Variants in PUM1 observed in about 807,000 individuals in gnomAD.
The protein encoded by PUM1 is pumilio homolog 1.
Under a neutral mutation model 131.8 loss-of-function variants are expected in PUM1, and 13 were observed. That is an observed-to-expected ratio of 0.10 (90% confidence interval 0.06 to 0.16). The LOEUF is 0.16. PUM1 is among the 10% of genes least tolerant of loss of function. The pLI is 1.00. For missense variants in PUM1, 961 were observed against 1,512.4 expected (o/e 0.64, Z 6.05); for synonymous variants, 509 against 556.5 (o/e 0.91, Z 1.20).
intron 14 of PUM1, among the ~76,000 whole-genome samples, chr1:30,954,900 A>AGAAAAAT (rs1640086214): frequency 6.6e-6 from 1 of 151,994 alleles, no homozygotes; most frequent in Non-Finnish European, 1.5e-5. Context: ...CCATCTCTAA[A>AGAAAAAT]AAAAAATAAA....
At chr1:31,060,612 C>T (rs943947647) in intron 1 of PUM1, among the ~76,000 whole-genome samples, 1 of 152,010 alleles carries the variant, frequency 6.6e-6, no homozygotes, top group South Asian at 2.1e-4. Flanking sequence ...ATTGGCCAGG[C>T]GAGGTGGCTC....
chr1:30,936,404 G>A (rs998274195), intron 21 of PUM1, among the ~76,000 whole-genome samples: 1 of 152,224 alleles, frequency 6.6e-6, no homozygotes, highest in Admixed American at 6.5e-5. Context: ...ATCAGGGATG[G>A]AAATATTTCA....
In PUM1 at chr1:30,953,791, G is replaced by A. The variant is rs137923174; in HGVS notation, c.2514C>T (p.Asn838=). Residue 838 remains asparagine, a synonymous_variant, in exon 15 of 22, where the codon AAC becomes AAT. Coordinates refer to ENST00000426105, the MANE Select transcript of PUM1 (RefSeq NM_001020658.2). ...GCAGTTGTAAATTGGGGTACCGGTTGTTTCGAAAATCTTCCAAAAGCCTGC... is the reference window on the plus strand; with the variant it reads ...GCAGTTGTAAATTGGGGTACCGGTTATTTCGAAAATCTTCCAAAAGCCTGC... ...GRSRLLEDFR[N]NRYPNLQLRE... 211 of 1,614,214 alleles carry A rather than the reference G, an allele frequency of 1.3e-4. No individual in the cohort carries two copies. Among genetic ancestry groups the A allele is most frequent in the Non-Finnish European group, 1.7e-4 (203 of 1,180,034 alleles).
intron 21 of PUM1, among the ~76,000 whole-genome samples, chr1:30,935,224 T>C (rs1639151371): frequency 6.6e-6 from 1 of 152,200 alleles, no homozygotes; most frequent in South Asian, 2.1e-4. Context: ...TGAACTTGTT[T>C]TACTTCTTCA....
rs748978879 is a variant in PUM1, at chr1:30,980,132, T to C, written c.1284A>G (p.Pro428=). ...GLAPAAFVPN[P]YIISAAPPGT... ...CTGGGGGAGCAGCGCTGATGATGTA[T>C]GGATTGGGGACAAACGCAGCGGGAG... is the stretch of plus-strand genomic sequence containing the variant. The change falls in exon 9 of 22, where the codon CCA becomes CCG. Residue 428 remains proline (P), a synonymous_variant. Coordinates refer to ENST00000426105, the MANE Select transcript of PUM1 (RefSeq NM_001020658.2). 10 of 1,614,074 alleles carry C rather than the reference T, an allele frequency of 6.2e-6. No individual in the cohort carries two copies. In the Admixed American group the frequency reaches 1.7e-4, roughly 27 times the overall value.
chr1:30,986,026 C>A (rs1641543955), intron 7 of PUM1, among the ~76,000 whole-genome samples: 1 of 152,070 alleles, frequency 6.6e-6, no homozygotes, highest in East Asian at 1.9e-4. Context: ...GCGATCTTGG[C>A]TCACTGCAAC....
At chr1:30,977,159 T>C (rs1641169012) in intron 9 of PUM1, among the ~76,000 whole-genome samples, 1 of 152,238 alleles carries the variant, frequency 6.6e-6, no homozygotes, top group Non-Finnish European at 1.5e-5. Flanking sequence ...GTAATTTTAC[T>C]TTTCCTTTGG....
chr1:31,038,984 A>ATATATTTTTTTTTTTTTTTTTT, intron 2 of PUM1, among the ~76,000 whole-genome samples: 4 of 49,418 alleles, frequency 8.1e-5, no homozygotes, highest in East Asian at 6.7e-4. Flanking sequence ...ATATATATAT[A>ATATATTTTTTTTTTTTTTTTTT]TTTTTTTTTT....
rs910390092 is a variant in PUM1, at chr1:30,931,612, T to C, written c.*1599A>G. On this transcript the variant is annotated 3_prime_UTR_variant, in exon 22 of 22. Coordinates refer to ENST00000426105, the MANE Select transcript of PUM1 (RefSeq NM_001020658.2). ...TTGCCCAGGCATAAGCATACACAGG[T>C]TTGTTAATTATACACATATGGTTAC... 7 of 152,546 alleles carry C rather than the reference T, an allele frequency of 4.6e-5. No homozygotes were observed. Among genetic ancestry groups the C allele is most frequent in the African/African-American group, 9.7e-5 (4 of 41,424 alleles). 9.4% of individuals were successfully genotyped at this position (152,546 alleles called of 1,614,324 possible). A position where few individuals can be genotyped will look rare whatever the true frequency, so the allele number is the denominator to read the frequency against.
At chr1:30,976,431 C>G (rs1008257256) in intron 9 of PUM1, among the ~76,000 whole-genome samples, 3 of 152,226 alleles carry the variant, frequency 2.0e-5, no homozygotes, top group African/African-American at 7.2e-5. Flanking sequence ...CTTACACTGA[C>G]TGAAGTTCTG....
chr1:31,000,124 A>G (rs1642153113), intron 5 of PUM1, among the ~76,000 whole-genome samples: 1 of 152,248 alleles, frequency 6.6e-6, no homozygotes. Flanking sequence ...TAGCTCGGGT[A>G]AGTATCCACA....
At position 31,059,400 on chromosome 1, in the gene PUM1, A is replaced by G; in HGVS notation, c.167T>C (p.Leu56Pro). Residue 56 changes from leucine (L) to proline (P), a missense_variant, in exon 2 of 22, where the codon CTT becomes CCT. By Grantham distance (98) the Leu-to-Pro change is moderately conservative. Transcript: ENST00000426105. The stretch of plus-strand genomic sequence containing the variant: ...AGGGCTGGAGTGAGTCCCAGCTGCA[A>G]GAGCCTGATTTGCAGCTGGTTGTGG... ...AQPQPAANQA[L>P]AAGTHSSPVP... The G allele has an allele frequency of 1.2e-6, 2 of 1,614,184 alleles. No homozygotes were observed. Among genetic ancestry groups the G allele is most frequent in the Non-Finnish European group, 1.7e-6 (2 of 1,180,032 alleles).
intron 2 of PUM1, among the ~76,000 whole-genome samples, chr1:31,054,093 CAAAAAAAAAAAAAAAAAA>C (rs368330168): frequency 9.5e-4 from 52 of 54,884 alleles, no homozygotes; most frequent in African/African-American, 3.3e-3. Flanking sequence ...GACTTTATTT[CAAAAAAAAAAAAAAAAAA>C]AAAAAAAAAG....
chr1:30,997,484 G>A (rs1173178714), intron 5 of PUM1, among the ~76,000 whole-genome samples: 1 of 147,232 alleles, frequency 6.8e-6, no homozygotes, highest in Non-Finnish European at 1.5e-5. Context: ...GGCAACAAGA[G>A]TGAAACTCGT....
At chr1:31,000,958 G>A (rs1050653161) in intron 5 of PUM1, among the ~76,000 whole-genome samples, 3 of 151,984 alleles carry the variant, frequency 2.0e-5, no homozygotes, top group Admixed American at 6.6e-5. Context: ...AGGCTGAGGC[G>A]GGCGGATCAC....
At chr1:30,974,381 T>C (rs1408501805) in intron 10 of PUM1, among the ~76,000 whole-genome samples, 1 of 152,198 alleles carries the variant, frequency 6.6e-6, no homozygotes, top group Non-Finnish European at 1.5e-5. Flanking sequence ...ACTGTAACTT[T>C]GAAGATCCAC....
chr1:31,056,609 CTTTTTTTTTTTT>C lies in PUM1; in HGVS notation c.363+2583_363+2594del, dbSNP rs57685772. Reference sequence around the variant, plus strand: ...CAGCTGAAAACCTTCCTTTTCTTTTCTTTTTTTTTTTTTTTTTTTTTTTTTTTTTTTTTTTGA... The same window carrying C: ...CAGCTGAAAACCTTCCTTTTCTTTTCTTTTTTTTTTTTTTTTTTTTTTTGA... On this transcript the variant is annotated intron_variant, in intron 2 of 21. Coordinates refer to ENST00000426105, the MANE Select transcript of PUM1 (RefSeq NM_001020658.2). Among the ~76,000 whole-genome samples, 51 of 43,706 alleles carry C rather than the reference CTTTTTTTTTTTT, an allele frequency of 1.2e-3. 1 individual carries two copies. In the East Asian group the frequency reaches 0.022, roughly 19 times the overall value. 28.7% of individuals were successfully genotyped at this position (43,706 alleles called of 152,430 possible).
chr1:30,962,245 A>G (rs1640443349), intron 14 of PUM1, among the ~76,000 whole-genome samples: 1 of 152,200 alleles, frequency 6.6e-6, no homozygotes, highest in African/African-American at 2.4e-5. Context: ...ATTTGACAAG[A>G]AATAACTCAC....
chr1:30,994,972 C>T (rs1641930204), intron 6 of PUM1, 82 bp downstream of exon 6: 42 of 1,470,508 alleles, frequency 2.9e-5, no homozygotes, highest in Non-Finnish European at 2.9e-5. Flanking sequence ...GGGAAGAAAA[C>T]GAAAATCAAA....
Sources: allele counts gnomAD v4.1 joint callset (sites outside exome capture counted in the v4.1 genomes callset), GRCh38; gene constraint gnomAD v4.1.1; transcripts MANE v1.5; gene names NCBI Gene and HGNC (gene_info 2026-07-23, HGNC 2026-07-21).